The following PRKAG2 variants were observed in gnomAD, a reference collection of about 807,000 sequenced individuals.
The protein encoded by PRKAG2 is 5'-AMP-activated protein kinase subunit gamma-2.
In PRKAG2, 26 loss-of-function variants were observed where a neutral mutation model predicts 69.6. The ratio of observed to expected loss-of-function variants is 0.37; its 90% CI spans 0.27 to 0.52. The LOEUF is 0.52. Among genes scored for constraint, PRKAG2 ranks in the 20% least tolerant of loss-of-function variants. PRKAG2 has a pLI of 0.90. For synonymous variants in PRKAG2, 293 were observed against 285.0 expected, an observed-to-expected ratio of 1.03 and a Z score of -0.28; for missense variants, 557 against 740.0, an observed-to-expected ratio of 0.75 and a Z score of 2.87.
chr7:151,843,672 G>GC (rs765843962), intron 1 of PRKAG2, among the ~76,000 whole-genome samples: 16 of 152,270 alleles, frequency 1.1e-4, no homozygotes, highest in African/African-American at 2.2e-4. Context: ...CTGGGGTGAG[G>GC]CCCCCCAAGG....
Position 151,855,395 on chromosome 7 carries a change from T to G in PRKAG2, c.114+21112A>C, listed in dbSNP as rs1478053864. ...CACACACCGCCCTCCACACACACCA[T>G]CCACACACCACCCTCCACATACACC... On this transcript the variant is annotated intron_variant, in intron 1 of 15. Transcript: ENST00000287878. Among the ~76,000 whole-genome samples, 7 of 14,006 alleles carry G rather than the reference T, an allele frequency of 5.0e-4. 2 individuals carry two copies. Among genetic ancestry groups the G allele is most frequent in the Non-Finnish European group, 9.5e-4 (7 of 7,384 alleles). The allele number at this position is 14,006 out of a possible 152,430, so 9.2% of individuals were successfully genotyped here. A position where few individuals can be genotyped will look rare whatever the true frequency, so the allele number is the denominator to read the frequency against.
intron 1 of PRKAG2, among the ~76,000 whole-genome samples, chr7:151,831,796 C>T (rs567175124): frequency 1.3e-3 from 201 of 152,228 alleles, no homozygotes; most frequent in African/African-American, 4.2e-3. Flanking sequence ...AGCTGTGTCC[C>T]GGTCAGGTGC....
intron 3 of PRKAG2, among the ~76,000 whole-genome samples, chr7:151,691,183 C>T (rs763787936): frequency 2.6e-5 from 4 of 152,188 alleles, no homozygotes; most frequent in Non-Finnish European, 5.9e-5. Flanking sequence ...GACCTATACA[C>T]ACCCTCCTGT....
At chr7:151,562,750 G>A (rs991550147) in intron 14 of PRKAG2, among the ~76,000 whole-genome samples, 8 of 151,976 alleles carry the variant, frequency 5.3e-5, no homozygotes, top group African/African-American at 1.7e-4. Flanking sequence ...GGCAGATCAC[G>A]AGGTCAGGAG....
intron 3 of PRKAG2, among the ~76,000 whole-genome samples, chr7:151,742,481 G>A (rs925189571): frequency 6.6e-6 from 1 of 152,042 alleles, no homozygotes; most frequent in African/African-American, 2.4e-5. Flanking sequence ...AAAATTAGCT[G>A]GGCGTGATGG....
chr7:151,862,602 CATGACA>C (rs2079959420), intron 1 of PRKAG2, among the ~76,000 whole-genome samples: 1 of 152,190 alleles, frequency 6.6e-6, no homozygotes, highest in Non-Finnish European at 1.5e-5. Flanking sequence ...AGGGCTGGGA[CATGACA>C]AAGTGTAGAC....
chr7:151,660,548 A>G (rs1036924070), intron 4 of PRKAG2, among the ~76,000 whole-genome samples: 2 of 152,226 alleles, frequency 1.3e-5, no homozygotes, highest in Non-Finnish European at 2.9e-5. Context: ...AGTTTGCTTT[A>G]TAATTTGAAT....
chr7:151,795,890 T>A (rs117762008), intron 1 of PRKAG2, among the ~76,000 whole-genome samples: 200 of 96,570 alleles, frequency 2.1e-3, no homozygotes, highest in African/African-American at 5.9e-3. Context: ...TATATATATA[T>A]CACGATAATA....
At chr7:151,564,022 A>C in intron 14 of PRKAG2, 56 bp downstream of exon 14, 1 of 1,610,760 alleles carries the variant, frequency 6.2e-7, no homozygotes, top group Non-Finnish European at 8.5e-7. Flanking sequence ...ATCATTCACT[A>C]CTGGGGACTT....
At chr7:151,641,358 C>T (rs1826666466) in intron 4 of PRKAG2, among the ~76,000 whole-genome samples, 1 of 151,214 alleles carries the variant, frequency 6.6e-6, no homozygotes, top group African/African-American at 2.4e-5. Context: ...AGTGATTCCC[C>T]TGCCTCAGCC....
At chr7:151,865,274 G>A (rs1276405973) in intron 1 of PRKAG2, among the ~76,000 whole-genome samples, 1 of 152,254 alleles carries the variant, frequency 6.6e-6, no homozygotes, top group Non-Finnish European at 1.5e-5. Context: ...CTGGCATGGA[G>A]CCGACTGGGC....
intron 3 of PRKAG2, among the ~76,000 whole-genome samples, chr7:151,775,274 G>A (rs773340190): frequency 6.0e-5 from 9 of 150,336 alleles, no homozygotes; most frequent in South Asian, 4.2e-4. Flanking sequence ...CCCCCACCCC[G>A]CCCTGATTGA....
At chr7:151,740,066 C>A (rs1468850844) in intron 3 of PRKAG2, among the ~76,000 whole-genome samples, 1 of 152,214 alleles carries the variant, frequency 6.6e-6, no homozygotes, top group Non-Finnish European at 1.5e-5. Context: ...CCCAAGCCTA[C>A]AGCAAGGCAC....
chr7:151,855,075 CCATCCTCCACACACA>C (rs2079687795), intron 1 of PRKAG2, among the ~76,000 whole-genome samples: 2 of 57,636 alleles, frequency 3.5e-5, no homozygotes, highest in Non-Finnish European at 6.4e-5. Context: ...TCCACACACA[CCATCCTCCACACACA>C]CCATCCTCCA....
intron 3 of PRKAG2, among the ~76,000 whole-genome samples, chr7:151,754,499 C>T (rs558816293): frequency 1.5e-5 from 2 of 134,360 alleles, no homozygotes; most frequent in South Asian, 2.3e-4. Flanking sequence ...AGGGTGCCCG[C>T]GTTGGCTGGG....
chr7:151,753,201 C>G (rs1281527740), intron 3 of PRKAG2, among the ~76,000 whole-genome samples: 2 of 152,234 alleles, frequency 1.3e-5, no homozygotes, highest in African/African-American at 4.8e-5. Flanking sequence ...AAACAAAACG[C>G]GTGGCTGGAG....
At chr7:151,775,722 A>G (rs2076308151) in intron 3 of PRKAG2, among the ~76,000 whole-genome samples, 1 of 152,228 alleles carries the variant, frequency 6.6e-6, no homozygotes, top group South Asian at 2.1e-4. Context: ...TATTCTTGGT[A>G]CCAAGACCAG....
intron 5 of PRKAG2, among the ~76,000 whole-genome samples, chr7:151,617,715 G>T (rs1026333844): frequency 6.6e-6 from 1 of 152,002 alleles, no homozygotes; most frequent in African/African-American, 2.4e-5. Context: ...AAGACTAAGT[G>T]TATAAGAATG....
intron 3 of PRKAG2, among the ~76,000 whole-genome samples, chr7:151,731,531 T>TGG (rs1168876687): frequency 7.2e-6 from 1 of 139,072 alleles, no homozygotes; most frequent in Non-Finnish European, 1.6e-5. Context: ...TCTGTGTGTG[T>TGG]GTGTGCGCAC....
Sources: gnomAD v4.1 joint callset for allele counts (sites outside exome capture counted in the v4.1 genomes callset) on GRCh38, gnomAD v4.1.1 for gene constraint, MANE v1.5 for transcripts, NCBI Gene and HGNC (gene_info 2026-07-23, HGNC 2026-07-21) for gene names.